ZNF484: variants seen among roughly 807,000 people sequenced by gnomAD.
The protein encoded by ZNF484 is zinc finger protein 484.
Under a neutral mutation model 12.9 loss-of-function variants are expected in ZNF484, and 11 were observed. The observed-to-expected ratio is 0.85, with a 90% CI of 0.54 to 1.41. ZNF484 has a LOEUF of 1.41. ZNF484 is among the 40% of genes most tolerant of loss of function. The pLI is 0.00. For synonymous variants in ZNF484, 289 were observed against 334.1 expected, an observed-to-expected ratio of 0.86 and a Z score of 1.47; for missense variants, 807 against 1,007.7, an observed-to-expected ratio of 0.80 and a Z score of 2.70.
At position 92,846,906 on chromosome 9, in the gene ZNF484, C is replaced by T. The variant is rs1167763756; in HGVS notation, c.1881G>A (p.Gln627=). The T allele has an allele frequency of 1.2e-6, 2 of 1,613,744 alleles. No individual in the cohort carries two copies. Among genetic ancestry groups the T allele is most frequent in the Admixed American group, 3.3e-5 (2 of 59,984 alleles). The change falls in exon 5 of 5, where the codon CAG becomes CAA. Residue 627 remains glutamine (Q), a synonymous_variant. Transcript: ENST00000375495. ...AGGGTTTCTCTCCTGTGTGAATCTG[C>T]TGATGTACGTGGAGCTGTGATTTCT... ...FTKKSQLHVH[Q]QIHTGEKPYR...
intron 4 of ZNF484, among the ~76,000 whole-genome samples, chr9:92,853,324 A>C (rs1162549250): frequency 6.6e-6 from 1 of 152,220 alleles, no homozygotes; most frequent in African/African-American, 2.4e-5. Flanking sequence ...GAAAAGTAAA[A>C]AAACTCCAAG....
chr9:92,869,136 T>C (rs932508761), intron 2 of ZNF484, among the ~76,000 whole-genome samples: 6 of 152,102 alleles, frequency 3.9e-5, no homozygotes, highest in Non-Finnish European at 2.9e-5. Flanking sequence ...TAGTGCCTGG[T>C]ATATAGTAAG....
intron 4 of ZNF484, among the ~76,000 whole-genome samples, chr9:92,853,899 A>T (rs1856264354): frequency 6.6e-6 from 1 of 151,916 alleles, no homozygotes; most frequent in Admixed American, 6.6e-5. Context: ...GGGTGTAAAA[A>T]GATTTGTTAC....
intron 3 of ZNF484, 92 bp downstream of exon 3, chr9:92,856,100 C>T (rs1856432265): frequency 6.5e-7 from 1 of 1,549,310 alleles, no homozygotes; most frequent in Non-Finnish European, 8.8e-7. Flanking sequence ...TCCCACATAC[C>T]TCAGAAAACA....
intron 2 of ZNF484, among the ~76,000 whole-genome samples, chr9:92,861,900 T>C (rs1856801523): frequency 6.6e-6 from 1 of 152,176 alleles, no homozygotes; most frequent in Non-Finnish European, 1.5e-5. Flanking sequence ...GTAAGATTTA[T>C]AAAATCCAAA....
At chr9:92,864,753 T>C (rs1214135251) in intron 2 of ZNF484, among the ~76,000 whole-genome samples, 2 of 152,072 alleles carry the variant, frequency 1.3e-5, no homozygotes, top group Non-Finnish European at 2.9e-5. Flanking sequence ...ATGGAGAAAT[T>C]GATAAACCTA....
At position 92,847,664 on chromosome 9, in the gene ZNF484, T is replaced by A. The variant is rs745477017; in HGVS notation, c.1123A>T (p.Lys375Ter). ...LPQNSNLNIH[K>*]KIHTGGKHFE... is the part of the protein sequence containing the mutation. ...TGTTTCCCTCCAGTATGAATTTTTT[T>A]ATGTATATTAAGGTTTGAATTCTGA... Residue 375 changes from lysine (K) to a stop codon, truncating the protein, a stop_gained, in exon 5 of 5, where the codon AAA becomes TAA. Transcript: ENST00000375495. LOFTEE classifies it low-confidence loss of function (END_TRUNC). 1.4e-5 allele frequency: 22 copies of A among 1,613,192 alleles called. 1 individual carries two copies. In the Admixed American group the frequency reaches 2.7e-4, roughly 20 times the overall value.
intron 4 of ZNF484, among the ~76,000 whole-genome samples, chr9:92,852,403 C>T (rs1429895998): frequency 6.6e-6 from 1 of 152,172 alleles, no homozygotes; most frequent in East Asian, 1.9e-4. Context: ...ACACCATTCT[C>T]CTGCCTCAGC....
intron 2 of ZNF484, among the ~76,000 whole-genome samples, chr9:92,863,692 G>A (rs935253213): frequency 6.6e-6 from 1 of 152,182 alleles, no homozygotes; most frequent in South Asian, 2.1e-4. Context: ...TACTGAAGTA[G>A]AGATTGATGA....
chr9:92,872,231 C>CA (rs59372760), intron 2 of ZNF484, among the ~76,000 whole-genome samples: 1,869 of 45,590 alleles, frequency 0.041, 231 homozygotes, highest in Non-Finnish European at 0.047. Context: ...ATCTCTGCCT[C>CA]AAAAAAAAAA....
In ZNF484 at chr9:92,878,025, C is replaced by T. The variant is rs1587780774; in HGVS notation, c.-166G>A. 2 of 654,342 alleles carry T rather than the reference C, an allele frequency of 3.1e-6. No individual in the cohort carries two copies. Among genetic ancestry groups the T allele is most frequent in the Non-Finnish European group, 2.5e-6 (1 of 394,848 alleles). The allele number at this position is 654,342 out of a possible 1,614,324, so 40.5% of individuals were successfully genotyped here. On this transcript the variant is annotated 5_prime_UTR_variant, in exon 1 of 5. Transcript: ENST00000375495. ...CTAGAGGTACTTCTTACAGCGCTGCCTGGGTTTGCGCATGCTCAGCAGTCT... is the reference window on the plus strand; with the variant it reads ...CTAGAGGTACTTCTTACAGCGCTGCTTGGGTTTGCGCATGCTCAGCAGTCT...
chr9:92,865,603 TC>T (rs1857022105), intron 2 of ZNF484, among the ~76,000 whole-genome samples: 2 of 152,022 alleles, frequency 1.3e-5, no homozygotes, highest in Admixed American at 6.6e-5. Context: ...CTGTATGACA[TC>T]ATATACTAAA....
Position 92,847,955 on chromosome 9 carries a change from G to A in ZNF484, c.832C>T (p.Gln278Ter). 2 of 1,614,198 alleles carry A rather than the reference G, an allele frequency of 1.2e-6. No homozygotes were observed. ...GCCTCACATTCATGGCATTCATGCT[G>A]CTTTTCTTCAGCACAAATACTCTCA... Reference protein sequence around the residue: ...AHESICAEEKQHECHECEAVF... With the variant: ...AHESICAEEK Residue 278 changes from glutamine (Q) to a stop codon, truncating the protein, a stop_gained, in exon 5 of 5, where the codon CAG becomes TAG. Transcript: ENST00000375495. LOFTEE classifies it low-confidence loss of function (END_TRUNC).
Position 92,846,982 on chromosome 9 carries a change from T to C in ZNF484, c.1805A>G (p.His602Arg). The stretch of plus-strand genomic sequence containing the variant: ...GCATTCATAGGGTTTCTCTCCAGTA[T>C]GAATTCTCTCATGTGTAATAAAATG... Reference protein sequence around the residue: ...KSHFITHERIHTGEKPYECSI... With the variant: ...KSHFITHERIRTGEKPYECSI... The change falls in exon 5 of 5, where the codon CAT becomes CGT. Residue 602 changes from histidine (H) to arginine (R), a missense_variant. Coordinates refer to ENST00000375495, the MANE Select transcript of ZNF484 (RefSeq NM_031486.4). The C allele has an allele frequency of 6.2e-7, 1 of 1,614,194 alleles. No homozygotes were observed. The highest frequency in any genetic ancestry group is 8.5e-7 in the Non-Finnish European group (1 of 1,180,036).
At chr9:92,858,027 C>A (rs1180644655) in intron 2 of ZNF484, among the ~76,000 whole-genome samples, 3 of 151,986 alleles carry the variant, frequency 2.0e-5, no homozygotes, top group African/African-American at 7.2e-5. Flanking sequence ...AGGTATGAGC[C>A]CTGCCTACAA....
chr9:92,847,443 G>A lies in ZNF484; in HGVS notation c.1344C>T (p.Ser448=), dbSNP rs755956249. The change falls in exon 5 of 5, where the codon TCC becomes TCT. Residue 448 remains serine, a synonymous_variant. Coordinates refer to ENST00000375495, the MANE Select transcript of ZNF484 (RefSeq NM_031486.4). Reference sequence around the variant, plus strand: ...CATGGAGTTGTGATTTTTTAATAAAGGATTTCCCACAGTCACTGCATTCAT... The same window carrying A: ...CATGGAGTTGTGATTTTTTAATAAAAGATTTCCCACAGTCACTGCATTCAT... ...KPYECSDCGK[S]FIKKSQLHVH... The A allele has an allele frequency of 6.2e-7, 1 of 1,612,852 alleles. No homozygotes were observed. Among genetic ancestry groups the A allele is most frequent in the Non-Finnish European group, 8.5e-7 (1 of 1,179,682 alleles).
At chr9:92,851,920 T>C (rs1217212932) in intron 4 of ZNF484, among the ~76,000 whole-genome samples, 1 of 152,210 alleles carries the variant, frequency 6.6e-6, no homozygotes, top group African/African-American at 2.4e-5. Context: ...TATATTTGAA[T>C]TGGCATAGAT....
intron 2 of ZNF484, 56 bp from the exon 3 acceptor site, chr9:92,856,374 TCA>T: frequency 2.2e-6 from 3 of 1,378,842 alleles, no homozygotes; most frequent in South Asian, 1.5e-5. Flanking sequence ...ATATTTGAAT[TCA>T]AAAAAAAAAA....
intron 4 of ZNF484, among the ~76,000 whole-genome samples, chr9:92,850,996 G>GAAAGTTGTTCATCA: frequency 6.6e-6 from 1 of 152,208 alleles, no homozygotes; most frequent in Non-Finnish European, 1.5e-5. Flanking sequence ...AGAGAAGACT[G>GAAAGTTGTTCATCA]AAAGTTGTTC....
Sources: gnomAD v4.1 joint callset for allele counts (sites outside exome capture counted in the v4.1 genomes callset) on GRCh38, gnomAD v4.1.1 for gene constraint, MANE v1.5 for transcripts, NCBI Gene and HGNC (gene_info 2026-07-23, HGNC 2026-07-21) for gene names.